The following PSD3 variants were observed in gnomAD, a reference collection of about 807,000 sequenced individuals.
PSD3 encodes the protein pleckstrin and Sec7 domain containing 3.
In PSD3, 49 loss-of-function variants were observed where a neutral mutation model predicts 105.5. That is an observed-to-expected ratio of 0.46 (90% CI 0.37 to 0.59). The LOEUF is 0.59. Ranked by LOEUF, PSD3 falls within the 20% of genes least tolerant of loss-of-function variation. The pLI, the probability that PSD3 is intolerant of heterozygous loss-of-function variation, is 0.00. For missense variants in PSD3, 1,561 were observed against 1,263.8 expected (o/e 1.24, Z -3.57); for synonymous variants, 557 against 457.8 (o/e 1.22, Z -2.77).
Position 18,623,696 on chromosome 8 carries a change from G to T in PSD3, c.2410+8917C>A, listed in dbSNP as rs571475657. Among the ~76,000 whole-genome samples, 141 of 149,906 alleles carry T rather than the reference G, an allele frequency of 9.4e-4. 1 individual carries two copies. The highest frequency in any genetic ancestry group is 1.5e-3 in the Non-Finnish European group (103 of 67,546). ...ATATAAGACTTCAAAAGGTTATCAA[G>T]AGTAATAAAGTAGGTATACATGTAC... is the stretch of plus-strand genomic sequence containing the variant. On this transcript the variant is annotated intron_variant, in intron 11 of 15. Transcript: ENST00000327040.
rs1356652212 is a variant in PSD3 at position 18,530,251 on chromosome 8, G to A, written c.*5492C>T. The A allele has an allele frequency of 1.3e-5, 2 of 152,540 alleles. No homozygotes were observed. Among genetic ancestry groups the A allele is most frequent in the African/African-American group, 2.4e-5 (1 of 41,406 alleles). 9.4% of individuals were successfully genotyped at this position (152,540 alleles called of 1,614,324 possible). A position where few individuals can be genotyped will look rare whatever the true frequency, so the allele number is the denominator to read the frequency against. ...TAAGCAGTAAGCTCAAACAACTAAG[G>A]CCAGTGGCTCTTCTTTGGGGAGAGG... is the stretch of plus-strand genomic sequence containing the variant. On this transcript the variant is annotated 3_prime_UTR_variant, in exon 16 of 16. Transcript: ENST00000327040.
chr8:18,572,734 C>A, intron 13 of PSD3, 62 bp from the exon 14 acceptor site: 1 of 1,552,458 alleles, frequency 6.4e-7, no homozygotes. Flanking sequence ...TCACACTTTG[C>A]CTATTTCACG....
rs76285095 is a variant in PSD3, at chr8:18,996,986, C to T, written c.21+16577G>A. ...TTTTTTCACATGGCTGGCAAGACCT[C>T]GCACTCTCGATTCCCCTCATTCGCT... On this transcript the variant is annotated intron_variant, in intron 1 of 15. Transcript: ENST00000327040. Among the ~76,000 whole-genome samples, 192 of 151,988 alleles carry T rather than the reference C, an allele frequency of 1.3e-3. 2 individuals carry two copies. Among genetic ancestry groups the T allele is most frequent in the Admixed American group, 2.4e-3 (36 of 15,264 alleles).
At chr8:18,938,325 A>G (rs1434012494) in intron 1 of PSD3, among the ~76,000 whole-genome samples, 1 of 152,184 alleles carries the variant, frequency 6.6e-6, no homozygotes, top group African/African-American at 2.4e-5. Flanking sequence ...CTGGATTTAA[A>G]GAATGAGGGA....
chr8:18,952,164 A>C (rs753226022), intron 1 of PSD3, among the ~76,000 whole-genome samples: 1 of 152,132 alleles, frequency 6.6e-6, no homozygotes, highest in African/African-American at 2.4e-5. Context: ...AGGTGTCCTC[A>C]ATTTCATAGT....
chr8:18,608,921 C>G (rs1448493049), intron 11 of PSD3, among the ~76,000 whole-genome samples: 1 of 152,144 alleles, frequency 6.6e-6, no homozygotes, highest in Non-Finnish European at 1.5e-5. Context: ...AATGGCAGAG[C>G]ATTTGTTCCT....
chr8:18,697,303 G>A (rs917795668), intron 9 of PSD3, among the ~76,000 whole-genome samples: 4 of 152,182 alleles, frequency 2.6e-5, no homozygotes, highest in African/African-American at 9.6e-5. Flanking sequence ...GAAACAACGG[G>A]CTAAGAATGA....
At chr8:18,999,782 T>C (rs1826278016) in intron 1 of PSD3, among the ~76,000 whole-genome samples, 1 of 151,440 alleles carries the variant, frequency 6.6e-6, no homozygotes, top group Admixed American at 6.6e-5. Flanking sequence ...CCATTATCTT[T>C]CTAACTCCCC....
At chr8:19,029,955 AAG>A (rs1378466243) in intron 1 of PSD3, among the ~76,000 whole-genome samples, 1 of 152,202 alleles carries the variant, frequency 6.6e-6, no homozygotes, top group East Asian at 1.9e-4. Flanking sequence ...TTTGTGAATA[AAG>A]AGTTTTATTC....
chr8:18,911,185 A>T (rs1373212959), intron 2 of PSD3, among the ~76,000 whole-genome samples: 1 of 152,176 alleles, frequency 6.6e-6, no homozygotes, highest in East Asian at 1.9e-4. Flanking sequence ...GTTTCATAGC[A>T]TTATCCCCTC....
chr8:19,074,711 C>G (rs1267131796), intron 1 of PSD3, among the ~76,000 whole-genome samples: 1 of 145,852 alleles, frequency 6.9e-6, no homozygotes, highest in Non-Finnish European at 1.5e-5. Flanking sequence ...AGCTCCGCCT[C>G]CCGGGTTCAC....
In PSD3 at chr8:18,925,951, A is replaced by G. The variant is rs189642284; in HGVS notation, c.130+10083T>C. 1.4e-4 allele frequency among the ~76,000 whole-genome samples: 22 copies of G among 152,352 alleles called. 1 individual carries two copies. The East Asian group carries it at 4.2e-3, about 29-fold the overall frequency. On this transcript the variant is annotated intron_variant, in intron 2 of 15. Coordinates refer to ENST00000327040, the MANE Select transcript of PSD3 (RefSeq NM_015310.4). ...TCTATAACCTCATTTTAGAAATGAT[A>G]GAGTTTTTAATCAAAACACAGCATG... is the stretch of plus-strand genomic sequence containing the variant.
At chr8:19,077,971 G>A (rs1829512880) in intron 1 of PSD3, among the ~76,000 whole-genome samples, 1 of 151,716 alleles carries the variant, frequency 6.6e-6, no homozygotes, top group Admixed American at 6.6e-5. Context: ...CATACAACCT[G>A]CTTTCACTAA....
chr8:18,881,384 G>A (rs1818092079), intron 2 of PSD3, among the ~76,000 whole-genome samples: 2 of 152,054 alleles, frequency 1.3e-5, no homozygotes, highest in South Asian at 2.1e-4. Flanking sequence ...CCATAAGATC[G>A]GCTGCAGAAA....
At position 18,680,063 on chromosome 8, in the gene PSD3, G is replaced by C. The variant is rs541295028; in HGVS notation, c.2173-24378C>G. Reference sequence around the variant, plus strand: ...TAAACGGTATCACGTAGTTTGGCAAGAGATGGGGAAGAAAAGAGTGTTTAT... The same window carrying C: ...TAAACGGTATCACGTAGTTTGGCAACAGATGGGGAAGAAAAGAGTGTTTAT... On this transcript the variant is annotated intron_variant, in intron 9 of 15. Coordinates refer to ENST00000327040, the MANE Select transcript of PSD3 (RefSeq NM_015310.4). Among the ~76,000 whole-genome samples the C allele has an allele frequency of 2.0e-4, 31 of 152,332 alleles. No homozygotes were observed. In the South Asian group the frequency reaches 6.4e-3, roughly 32 times the overall value.
In PSD3 at chr8:18,535,863, C is replaced by A. The variant is rs567201323; in HGVS notation, c.3024G>T (p.Ser1008=). 5.6e-6 allele frequency: 9 copies of A among 1,613,988 alleles called. No individual in the cohort carries two copies. The highest frequency in any genetic ancestry group is 2.2e-5 in the East Asian group (1 of 44,894). Residue 1008 remains serine, a synonymous_variant, in exon 16 of 16, where the codon TCG becomes TCT. Transcript: ENST00000327040. The part of the protein sequence containing the change: ...DESEAAGLKK[S]HSSPSLNPDT... ...CCGGGTTCAGCGAAGGACTCGAGTG[C>A]GACTTCTTCAGTCCTGCAGCCTCGC...
rs761493259 is a variant in PSD3 at position 18,765,494 on chromosome 8, C to T, written c.2127G>A (p.Leu709=). Residue 709 remains leucine, a synonymous_variant, in exon 9 of 16, where the codon CTG becomes CTA. Coordinates refer to ENST00000327040, the MANE Select transcript of PSD3 (RefSeq NM_015310.4). ...AATCAACACCCTCATTTACCCCTTG[C>T]AGATTTGCAATGAACTCCTGACAGG... The part of the protein sequence containing the change: ...KMTCQEFIAN[L]QGVNEGVDFS... The T allele has an allele frequency of 9.9e-6, 16 of 1,613,204 alleles. No homozygotes were observed. In the African/African-American group the frequency reaches 1.2e-4, roughly 12 times the overall value.
chr8:18,828,030 A>G (rs1453712010), intron 4 of PSD3, among the ~76,000 whole-genome samples: 10 of 140,270 alleles, frequency 7.1e-5, no homozygotes, highest in African/African-American at 2.7e-4. Flanking sequence ...ACATATACAT[A>G]TATATAATAT....
At chr8:18,678,878 C>T (rs1189005805) in intron 9 of PSD3, among the ~76,000 whole-genome samples, 1 of 152,036 alleles carries the variant, frequency 6.6e-6, no homozygotes, top group Non-Finnish European at 1.5e-5. Flanking sequence ...TGGTTTGGTA[C>T]AACCCTAATT....
Sources: gnomAD v4.1 joint callset for allele counts (sites outside exome capture counted in the v4.1 genomes callset) on GRCh38, gnomAD v4.1.1 for gene constraint, MANE v1.5 for transcripts, NCBI Gene and HGNC (gene_info 2026-07-23, HGNC 2026-07-21) for gene names.